Variants in LDAH observed in about 807,000 individuals in gnomAD.
LDAH encodes lipid droplet-associated hydrolase.
LDAH carries 26 observed loss-of-function variants against 29.6 expected under a neutral mutation model. That is an observed-to-expected ratio of 0.88 (90% CI 0.64 to 1.22). The LOEUF is 1.22. Ranked by LOEUF, LDAH falls within the 50% of genes most tolerant of loss-of-function variation. The probability of loss-of-function intolerance (pLI) is 0.00; values close to 1 mark genes in which losing one functional copy is unlikely to be tolerated. For synonymous variants in LDAH, 117 were observed against 133.0 expected, an observed-to-expected ratio of 0.88 and a Z score of 0.83; for missense variants, 344 against 387.3, an observed-to-expected ratio of 0.89 and a Z score of 0.94.
chr2:20,790,605 T>C (rs1670882144), intron 2 of LDAH, among the ~76,000 whole-genome samples: 1 of 152,192 alleles, frequency 6.6e-6, no homozygotes, highest in Non-Finnish European at 1.5e-5. Context: ...TAAAGTCATC[T>C]GGAAGAAGTC....
chr2:20,704,509 T>G (rs1423421991), intron 5 of LDAH, among the ~76,000 whole-genome samples: 2 of 152,238 alleles, frequency 1.3e-5, no homozygotes, highest in Non-Finnish European at 2.9e-5. Context: ...GAATATATAA[T>G]GTCAAATACA....
chr2:20,696,713 G>A (rs1663515369), intron 6 of LDAH, among the ~76,000 whole-genome samples: 1 of 152,186 alleles, frequency 6.6e-6, no homozygotes, highest in Non-Finnish European at 1.5e-5. Flanking sequence ...AACAGTGACA[G>A]AACAAGGGAG....
intron 5 of LDAH, among the ~76,000 whole-genome samples, chr2:20,728,311 A>T (rs1163734497): frequency 6.6e-6 from 1 of 152,202 alleles, no homozygotes; most frequent in East Asian, 1.9e-4. Context: ...ACAGAGAAAC[A>T]GGTCTGTGGG....
At chr2:20,815,956 G>A (rs957334669) in intron 1 of LDAH, among the ~76,000 whole-genome samples, 22 of 151,914 alleles carry the variant, frequency 1.4e-4, no homozygotes, top group African/African-American at 4.8e-4. Flanking sequence ...TGGTGTTCAA[G>A]GTGTATAGAG....
intron 5 of LDAH, among the ~76,000 whole-genome samples, chr2:20,713,024 C>A (rs531954411): frequency 2.6e-5 from 4 of 151,444 alleles, no homozygotes; most frequent in African/African-American, 7.3e-5. Context: ...ATTCAAATTC[C>A]GGAAATACAG....
At chr2:20,802,399 T>C (rs975060715) in intron 1 of LDAH, among the ~76,000 whole-genome samples, 1 of 152,180 alleles carries the variant, frequency 6.6e-6, no homozygotes, top group African/African-American at 2.4e-5. Context: ...CTACATTAAA[T>C]TATGAAATGG....
chr2:20,716,402 G>C (rs1280548356), intron 5 of LDAH, among the ~76,000 whole-genome samples: 1 of 151,982 alleles, frequency 6.6e-6, no homozygotes, highest in Non-Finnish European at 1.5e-5. Flanking sequence ...CAGCCATAAA[G>C]AAGGATGAGT....
intron 6 of LDAH, among the ~76,000 whole-genome samples, chr2:20,693,039 G>T (rs1483306158): frequency 6.6e-6 from 1 of 152,120 alleles, no homozygotes; most frequent in Non-Finnish European, 1.5e-5. Context: ...ACCTGGACTG[G>T]AATCTTGGTT....
intron 5 of LDAH, among the ~76,000 whole-genome samples, chr2:20,730,288 T>G (rs1037126863): frequency 1.3e-5 from 2 of 152,204 alleles, no homozygotes; most frequent in African/African-American, 4.8e-5. Flanking sequence ...TATACAGGTT[T>G]TTCTCTGAAC....
intron 1 of LDAH, among the ~76,000 whole-genome samples, chr2:20,811,871 AG>A (rs1672527597): frequency 6.6e-6 from 1 of 152,222 alleles, no homozygotes; most frequent in South Asian, 2.1e-4. Context: ...AATCTTGTTT[AG>A]ATTATTTCAA....
intron 1 of LDAH, among the ~76,000 whole-genome samples, chr2:20,809,235 C>CAA (rs56974629): frequency 3.0e-5 from 4 of 133,960 alleles, no homozygotes; most frequent in South Asian, 2.3e-4. Flanking sequence ...ACTAGAAATA[C>CAA]AAAAAAAAAA....
intron 4 of LDAH, among the ~76,000 whole-genome samples, chr2:20,770,957 T>C (rs1669371088): frequency 6.6e-6 from 1 of 152,218 alleles, no homozygotes; most frequent in Admixed American, 6.5e-5. Context: ...TCTATGAATC[T>C]AAAAACAATT....
At chr2:20,785,660 A>T (rs1391338406) in intron 3 of LDAH, among the ~76,000 whole-genome samples, 2 of 151,984 alleles carry the variant, frequency 1.3e-5, no homozygotes, top group Non-Finnish European at 2.9e-5. Flanking sequence ...CATATGTTAC[A>T]CCTTTTGAAA....
chr2:20,688,600 T>C (rs1207277832), intron 6 of LDAH, among the ~76,000 whole-genome samples: 2 of 152,116 alleles, frequency 1.3e-5, no homozygotes, highest in Non-Finnish European at 2.9e-5. Flanking sequence ...ACTGGATAGT[T>C]TGAGTGTATC....
chr2:20,716,863 C>T (rs368465747), intron 5 of LDAH, among the ~76,000 whole-genome samples: 3 of 91,338 alleles, frequency 3.3e-5, no homozygotes, highest in African/African-American at 9.5e-5. Flanking sequence ...TTTTTTTTTC[C>T]CAGAGCCTCC....
intron 5 of LDAH, among the ~76,000 whole-genome samples, chr2:20,706,822 T>C (rs1664339418): frequency 6.6e-6 from 1 of 152,188 alleles, no homozygotes; most frequent in Non-Finnish European, 1.5e-5. Context: ...AGTCTTATGA[T>C]TGTCTCAGCT....
chr2:20,784,662 A>G (rs1376297313), intron 3 of LDAH, among the ~76,000 whole-genome samples: 1 of 152,062 alleles, frequency 6.6e-6, no homozygotes, highest in Non-Finnish European at 1.5e-5. Flanking sequence ...AGGCGGGCAG[A>G]TCGCTTGAGC....
intron 4 of LDAH, among the ~76,000 whole-genome samples, chr2:20,751,478 T>A (rs936300951): frequency 6.6e-6 from 1 of 152,240 alleles, no homozygotes; most frequent in African/African-American, 2.4e-5. Flanking sequence ...GAGGAGACTA[T>A]GAAACAAACG....
At chr2:20,756,088 G>T (rs1668320789) in intron 4 of LDAH, among the ~76,000 whole-genome samples, 1 of 151,702 alleles carries the variant, frequency 6.6e-6, no homozygotes. Flanking sequence ...CTAGAGTGTA[G>T]TGGCGCGGTC....
Sources: allele counts gnomAD v4.1 joint callset (sites outside exome capture counted in the v4.1 genomes callset), GRCh38; gene constraint gnomAD v4.1.1; transcripts MANE v1.5; gene names NCBI Gene and HGNC (gene_info 2026-07-23, HGNC 2026-07-21).